GPR55: variants seen among roughly 807,000 people sequenced by gnomAD.
The protein encoded by GPR55 is G protein-coupled receptor 55.
GPR55 carries 6 observed loss-of-function variants against 7.9 expected under a neutral mutation model. That is an observed-to-expected ratio of 0.76 (90% confidence interval 0.41 to 1.49). The LOEUF (loss-of-function observed/expected upper bound fraction) is 1.49, where lower values mean the gene tolerates loss of function less well. Ranked by LOEUF, GPR55 falls within the 40% of genes most tolerant of loss-of-function variation. The probability of loss-of-function intolerance (pLI) is 0.01; values close to 1 mark genes in which losing one functional copy is unlikely to be tolerated. For synonymous variants in GPR55, 183 were observed against 166.8 expected (o/e 1.10, Z -0.75); for missense variants, 376 against 406.0 (o/e 0.93, Z 0.63).
At position 230,924,389 on chromosome 2, in the gene GPR55, C is replaced by T. The variant is rs573809155; in HGVS notation, c.-135+779G>A. On this transcript the variant is annotated intron_variant, in intron 1 of 1. Coordinates refer to ENST00000650999, the MANE Select transcript of GPR55 (RefSeq NM_005683.4). This position sits in a 1 kb window ranked among gnomAD's most constrained non-coding sequence, Gnocchi z 4.5. ...AGCACAAAGCCCAGGTGAAGCCAGG[C>T]CAGCCAGACATGTCCTGACTTTGTG... Among the ~76,000 whole-genome samples, 1 of 152,282 alleles carries T rather than the reference C, an allele frequency of 6.6e-6. No individual in the cohort carries two copies. Among genetic ancestry groups the T allele is most frequent in the African/African-American group, 2.4e-5 (1 of 41,562 alleles).
intron 1 of GPR55, among the ~76,000 whole-genome samples, chr2:230,956,700 A>T (rs974028406): frequency 6.6e-6 from 1 of 152,218 alleles, no homozygotes; most frequent in Non-Finnish European, 1.5e-5. Context: ...TTTAACATGG[A>T]TACAATAATA....
rs749043487 is a variant in GPR55, at chr2:230,910,666, G to T, written c.297C>A (p.Cys99Ter). ...TTCCGTACATGCTGACGAAGTAAAG[G>T]CACTCCACCAGGGTGCACAGGGACG... Reference protein sequence around the residue: ...PFPSLCTLVECLYFVSMYGSV... With the variant: ...PFPSLCTLVE The change falls in exon 2 of 2, where the codon TGC becomes TGA. Residue 99 changes from cysteine to a stop codon, truncating the protein, a stop_gained. Coordinates refer to ENST00000650999, the MANE Select transcript of GPR55 (RefSeq NM_005683.4). LOFTEE classifies it high-confidence loss of function. The surrounding 1 kb of genome is among the most constrained non-coding windows in gnomAD (Gnocchi z 5.4). 1.2e-6 allele frequency: 2 copies of T among 1,613,386 alleles called. No homozygotes were observed. The highest frequency in any genetic ancestry group is 2.2e-5 in the South Asian group (2 of 91,050).
At chr2:230,927,798 C>T (rs1326428668), upstream of GPR55, among the ~76,000 whole-genome samples, 1 of 152,268 alleles carries the variant, frequency 6.6e-6, no homozygotes, top group Non-Finnish European at 1.5e-5. Flanking sequence ...ACCACATCCT[C>T]CCCTGACGCT....
rs1385034404 is a variant in GPR55 at position 230,909,829 on chromosome 2, G to A, written c.*174C>T. 2 of 655,902 alleles carry A rather than the reference G, an allele frequency of 3.0e-6. No homozygotes were observed. Among genetic ancestry groups the A allele is most frequent in the Non-Finnish European group, 5.2e-6 (2 of 382,160 alleles). The allele number at this position is 655,902 out of a possible 1,614,324, so 40.6% of individuals were successfully genotyped here. A position where few individuals can be genotyped will look rare whatever the true frequency, so the allele number is the denominator to read the frequency against. On this transcript the variant is annotated 3_prime_UTR_variant, in exon 2 of 2. Transcript: ENST00000650999. ...GGGTGGTATAAGCTGTCTGGGCAGT[G>A]GAAAAAAGGTCTTTGGGGTATAATG... is the stretch of plus-strand genomic sequence containing the variant.
At chr2:230,953,613 T>C (rs1024530904) in intron 1 of GPR55, among the ~76,000 whole-genome samples, 5 of 152,198 alleles carry the variant, frequency 3.3e-5, no homozygotes, top group African/African-American at 4.8e-5. Context: ...ATAATAAATT[T>C]GTGTTATTTT....
intron 1 of GPR55, among the ~76,000 whole-genome samples, chr2:230,916,168 G>A (rs1185742197): frequency 3.9e-5 from 6 of 152,034 alleles, no homozygotes; most frequent in Non-Finnish European, 7.4e-5. Context: ...GAGCCCAGGA[G>A]TTTGAGACCA....
chr2:230,917,534 G>T (rs1328777501), intron 1 of GPR55, among the ~76,000 whole-genome samples: 1 of 152,212 alleles, frequency 6.6e-6, no homozygotes, highest in Non-Finnish European at 1.5e-5. Flanking sequence ...CTGGCCGGGT[G>T]CAGTGGCTTA....
At chr2:230,916,398 C>A (rs1690717007) in intron 1 of GPR55, among the ~76,000 whole-genome samples, 1 of 151,794 alleles carries the variant, frequency 6.6e-6, no homozygotes, top group South Asian at 2.1e-4. Context: ...GTGGCTCGTG[C>A]CTGTGGTCCC....
At chr2:230,943,179 C>T (rs1377170706) in intron 1 of GPR55, among the ~76,000 whole-genome samples, 1 of 152,056 alleles carries the variant, frequency 6.6e-6, no homozygotes, top group South Asian at 2.1e-4. Flanking sequence ...GAAACTGAGG[C>T]CCCAGCAGAG....
chr2:230,951,613 G>T (rs1192689643), intron 1 of GPR55, among the ~76,000 whole-genome samples: 3 of 152,172 alleles, frequency 2.0e-5, no homozygotes, highest in African/African-American at 4.8e-5. Context: ...ACCCAGAGGA[G>T]TTCAAAAGGC....
At chr2:230,933,092 C>T (rs1691074621) in intron 1 of GPR55, among the ~76,000 whole-genome samples, 2 of 152,200 alleles carry the variant, frequency 1.3e-5, no homozygotes, top group South Asian at 4.1e-4. Context: ...CCTCTTCCCC[C>T]TTCCCTGCTA....
At chr2:230,941,431 C>G (rs1448606269) in intron 1 of GPR55, among the ~76,000 whole-genome samples, 1 of 152,248 alleles carries the variant, frequency 6.6e-6, no homozygotes, top group Non-Finnish European at 1.5e-5. Flanking sequence ...GCTCCCAGAC[C>G]CAGGACGCTC....
chr2:230,956,068 G>GGA (rs1352881406), intron 1 of GPR55, among the ~76,000 whole-genome samples: 1 of 152,016 alleles, frequency 6.6e-6, no homozygotes, highest in African/African-American at 2.4e-5. Flanking sequence ...ATTCTCCTTA[G>GGA]GAGAATCCCA....
intron 1 of GPR55, among the ~76,000 whole-genome samples, chr2:230,958,920 C>G (rs1559182324): frequency 6.6e-6 from 1 of 152,144 alleles, no homozygotes; most frequent in Non-Finnish European, 1.5e-5. Context: ...GGCATTCTTC[C>G]ATGAAGACAA....
intron 1 of GPR55, among the ~76,000 whole-genome samples, chr2:230,922,240 T>C (rs192545969): frequency 6.6e-6 from 1 of 152,168 alleles, no homozygotes; most frequent in Non-Finnish European, 1.5e-5. Flanking sequence ...GTATGTGACG[T>C]GTGGAAAGGG....
At position 230,914,014 on chromosome 2, in the gene GPR55, A is replaced by C. The variant is rs192057859; in HGVS notation, c.-134-2918T>G. Among the ~76,000 whole-genome samples the C allele has an allele frequency of 2.0e-5, 3 of 152,346 alleles. No individual in the cohort carries two copies. The East Asian group carries it at 5.8e-4, about 29-fold the overall frequency. ...AATTAAGAAAAAGGAGCCACCAATG[A>C]CAAAAGCTCAACACTCAGAGGCCCT... On this transcript the variant is annotated intron_variant, in intron 1 of 1. Transcript: ENST00000650999.
Position 230,922,324 on chromosome 2 carries a change from C to T in GPR55, c.-135+2844G>A, listed in dbSNP as rs1012893230. On this transcript the variant is annotated intron_variant, in intron 1 of 1. Transcript: ENST00000650999. ...TTGGGGGTTTCCGTCTCATTTCTTC[C>T]ATCCTCAAGGCCCTGCTCAGCCCCG... Among the ~76,000 whole-genome samples, 4 of 152,088 alleles carry T rather than the reference C, an allele frequency of 2.6e-5. 1 individual carries two copies. The South Asian group carries it at 8.3e-4, about 32-fold the overall frequency.
intron 1 of GPR55, among the ~76,000 whole-genome samples, chr2:230,940,119 T>C (rs751231434): frequency 1.3e-4 from 20 of 152,010 alleles, no homozygotes; most frequent in Admixed American, 3.9e-4. Context: ...TGCAAATGGC[T>C]TGGGGCAGCT....
intron 1 of GPR55, among the ~76,000 whole-genome samples, chr2:230,941,959 G>T (rs1018539467): frequency 1.3e-5 from 2 of 152,192 alleles, no homozygotes; most frequent in Non-Finnish European, 2.9e-5. Flanking sequence ...TTGTTCTCCA[G>T]CCCAGGGGTC....
Sources: gnomAD v4.1 joint callset for allele counts (sites outside exome capture counted in the v4.1 genomes callset) on GRCh38, gnomAD v4.1.1 for gene constraint, Gnocchi (gnomAD v3.1) non-coding constraint, MANE v1.5 for transcripts, NCBI Gene and HGNC (gene_info 2026-07-23, HGNC 2026-07-21) for gene names.